PINX1: variants seen among roughly 807,000 people sequenced by gnomAD.
PINX1 encodes PIN2 (TERF1) interacting telomerase inhibitor 1.
A neutral mutation model predicts 25.4 loss-of-function variants in PINX1; 34 were observed. The ratio of observed to expected loss-of-function variants is 1.34; its 90% CI spans 1.02 to 1.78. The LOEUF is 1.78. Ranked by LOEUF, PINX1 falls within the 40% of genes most tolerant of loss-of-function variation. The pLI is 0.00. For synonymous variants in PINX1, 197 were observed against 147.7 expected, an observed-to-expected ratio of 1.33 and a Z score of -2.42; for missense variants, 592 against 404.9, an observed-to-expected ratio of 1.46 and a Z score of -3.97.
At position 10,772,696 on chromosome 8, in the gene PINX1, T is replaced by C. The variant is rs142629436; in HGVS notation, c.472-6780A>G. On this transcript the variant is annotated intron_variant, in intron 6 of 6. Transcript: ENST00000314787. ...AGTCAAAAACAAATATAAAACCCCATTGACTGAAGAGAGTTGTGATTTGAA... is the reference window on the plus strand; with the variant it reads ...AGTCAAAAACAAATATAAAACCCCACTGACTGAAGAGAGTTGTGATTTGAA... Among the ~76,000 whole-genome samples, 1,106 of 152,290 alleles carry C rather than the reference T, an allele frequency of 7.3e-3. 56 individuals carry two copies. The highest frequency in any genetic ancestry group is 0.064 in the Admixed American group (981 of 15,292).
rs575271024 is a variant in PINX1 at position 10,787,209 on chromosome 8, GCACACACA to G, written c.472-21301_472-21294del. On this transcript the variant is annotated intron_variant, in intron 6 of 6. Coordinates refer to ENST00000314787, the MANE Select transcript of PINX1 (RefSeq NM_017884.6). The stretch of plus-strand genomic sequence containing the variant: ...ATATACACACATACACATATTTTAT[GCACACACA>G]CACACACGTTTGTTTGTTTTTTTTC... Among the ~76,000 whole-genome samples the G allele has an allele frequency of 3.4e-3, 504 of 147,650 alleles. 3 individuals carry two copies. The highest frequency in any genetic ancestry group is 5.8e-3 in the Non-Finnish European group (395 of 67,584).
At chr8:10,776,299 C>A (rs1328102094) in intron 6 of PINX1, among the ~76,000 whole-genome samples, 1 of 152,064 alleles carries the variant, frequency 6.6e-6, no homozygotes, top group East Asian at 1.9e-4. Context: ...GGTGGTGCAG[C>A]CTGTAATCCC....
chr8:10,834,850 A>G, intron 1 of PINX1, 75 bp from the exon 2 acceptor site: 1 of 930,182 alleles, frequency 1.1e-6, no homozygotes, highest in Non-Finnish European at 1.7e-6. Context: ...ACACATGCAC[A>G]ACTTTGTGTA....
At chr8:10,825,259 C>T (rs906851156) in intron 5 of PINX1, 2 of 504,956 alleles carry the variant, frequency 4.0e-6, no homozygotes, top group Non-Finnish European at 8.2e-6. Context: ...CCAGCAATGC[C>T]CTGATACGCA....
chr8:10,765,379 G>T lies in PINX1; in HGVS notation c.*22C>A. 6.4e-7 allele frequency: 1 copy of T among 1,563,920 alleles called. No homozygotes were observed. Among genetic ancestry groups the T allele is most frequent in the Non-Finnish European group, 8.6e-7 (1 of 1,160,672 alleles). On this transcript the variant is annotated 3_prime_UTR_variant, in exon 7 of 7. Transcript: ENST00000314787. ...CAGTGCCCTGACAGCTGAGTGGTCG[G>T]AAGGCCCCGGCTGGGAAGGATTCAT...
intron 1 of PINX1, 146 bp downstream of exon 1, chr8:10,839,592 C>T (rs1339767573): frequency 1.5e-5 from 12 of 785,420 alleles, no homozygotes; most frequent in Non-Finnish European, 2.5e-5. Context: ...GCAGGACAAT[C>T]AGAGCCGGGC....
intron 6 of PINX1, among the ~76,000 whole-genome samples, chr8:10,812,523 G>A (rs767406342): frequency 6.6e-6 from 1 of 152,200 alleles, no homozygotes; most frequent in African/African-American, 2.4e-5. Flanking sequence ...CATGCAGGCT[G>A]CTTCCTTTTC....
chr8:10,796,778 A>C (rs560790235), intron 6 of PINX1, among the ~76,000 whole-genome samples: 1 of 152,208 alleles, frequency 6.6e-6, no homozygotes, highest in East Asian at 1.9e-4. Context: ...ATTAAGTTTT[A>C]GAGATGAACC....
chr8:10,802,946 G>A (rs1344583722), intron 6 of PINX1, among the ~76,000 whole-genome samples: 1 of 152,100 alleles, frequency 6.6e-6, no homozygotes, highest in Non-Finnish European at 1.5e-5. Context: ...ACATATGAGG[G>A]CAAAAATAAA....
intron 6 of PINX1, among the ~76,000 whole-genome samples, chr8:10,807,223 C>T (rs752223489): frequency 1.3e-5 from 2 of 151,202 alleles, no homozygotes; most frequent in Non-Finnish European, 2.9e-5. Flanking sequence ...TAAAAAATAA[C>T]AATGAGATAG....
In PINX1 at chr8:10,839,737, CG is replaced by C; in HGVS notation, c.19del (p.Arg7ValfsTer28). 1 of 1,605,164 alleles carries C rather than the reference CG, an allele frequency of 6.2e-7. No individual in the cohort carries two copies. Among genetic ancestry groups the C allele is most frequent in the Non-Finnish European group, 8.5e-7 (1 of 1,176,002 alleles). ...GTCGGGCCTCCGCTTCCGACACTCA[CG>C]TTCAGCCAGCATAGACATGTCGGAG... MSMLAE[R>X]RRKQKWAVDP... On this transcript the variant is annotated frameshift_variant and splice_region_variant, in exon 1 of 7. Coordinates refer to ENST00000314787, the MANE Select transcript of PINX1 (RefSeq NM_017884.6). LOFTEE classifies it high-confidence loss of function.
intron 6 of PINX1, among the ~76,000 whole-genome samples, chr8:10,788,557 A>G (rs1265647987): frequency 6.6e-6 from 1 of 151,818 alleles, no homozygotes; most frequent in Non-Finnish European, 1.5e-5. Context: ...AGAGCAAGAC[A>G]CTGTCTCAAA....
intron 6 of PINX1, 29 bp from the exon 7 acceptor site, chr8:10,765,945 G>A (rs763170163): frequency 3.7e-5 from 60 of 1,604,526 alleles, no homozygotes; most frequent in East Asian, 4.5e-5. Flanking sequence ...TTAAAAGGCA[G>A]GTAAGCATCA....
chr8:10,829,306 G>A (rs1028138291), intron 4 of PINX1, among the ~76,000 whole-genome samples: 2,550 of 128,492 alleles, frequency 0.02, 101 homozygotes, highest in African/African-American at 0.078. Flanking sequence ...AAAAAAAAAA[G>A]AGAGAGAGAA....
chr8:10,836,688 G>GA (rs200172914), intron 1 of PINX1, among the ~76,000 whole-genome samples: 1 of 152,060 alleles, frequency 6.6e-6, no homozygotes, highest in African/African-American at 2.4e-5. Context: ...AAGGATGTTG[G>GA]GGGGGCGGGG....
In PINX1 at chr8:10,818,374, G is replaced by A. The variant is rs74718046; in HGVS notation, c.471+1819C>T. On this transcript the variant is annotated intron_variant, in intron 6 of 6. Coordinates refer to ENST00000314787, the MANE Select transcript of PINX1 (RefSeq NM_017884.6). ...CCAAAGAGTCAAGTAACACCACACA[G>A]TGTTGAAAACCTCAAGGCACCCAAC... Among the ~76,000 whole-genome samples the A allele has an allele frequency of 5.4e-3, 827 of 152,252 alleles. 5 individuals are homozygous for A. Among genetic ancestry groups the A allele is most frequent in the African/African-American group, 0.019 (785 of 41,524 alleles).
chr8:10,799,952 C>G (rs945793297), intron 6 of PINX1, among the ~76,000 whole-genome samples: 2 of 152,188 alleles, frequency 1.3e-5, no homozygotes, highest in African/African-American at 4.8e-5. Flanking sequence ...ACTGCTAAGG[C>G]TCAGAAAGGT....
At chr8:10,766,134 G>A (rs1040592029) in intron 6 of PINX1, among the ~76,000 whole-genome samples, 1 of 152,126 alleles carries the variant, frequency 6.6e-6, no homozygotes, top group Non-Finnish European at 1.5e-5. Context: ...GGAGCAAGGC[G>A]GCCACACACT....
intron 6 of PINX1, among the ~76,000 whole-genome samples, chr8:10,794,939 G>C (rs1011536913): frequency 6.6e-6 from 1 of 152,198 alleles, no homozygotes; most frequent in African/African-American, 2.4e-5. Context: ...GTCAGACTGA[G>C]AGATTTAACA....
Sources: allele counts gnomAD v4.1 joint callset (sites outside exome capture counted in the v4.1 genomes callset), GRCh38; gene constraint gnomAD v4.1.1; transcripts MANE v1.5; gene names NCBI Gene and HGNC (gene_info 2026-07-23, HGNC 2026-07-21).